ATXN7L1: variants seen among roughly 807,000 people sequenced by gnomAD.
ATXN7L1 encodes the protein ataxin-7-like protein 1.
ATXN7L1 carries 15 observed loss-of-function variants against 70.8 expected under a neutral mutation model. That is an observed-to-expected ratio of 0.21 (90% CI 0.14 to 0.33). The LOEUF is 0.33. Ranked by LOEUF, ATXN7L1 falls within the 10% of genes least tolerant of loss-of-function variation. The pLI, the probability that ATXN7L1 is intolerant of heterozygous loss-of-function variation, is 1.00. For synonymous variants in ATXN7L1, 440 were observed against 445.1 expected (o/e 0.99, Z 0.14); for missense variants, 975 against 1,097.1 (o/e 0.89, Z 1.57).
chr7:105,733,678 C>T (rs200163430), intron 3 of ATXN7L1, among the ~76,000 whole-genome samples: 6 of 4,190 alleles, frequency 1.4e-3, no homozygotes, highest in Non-Finnish European at 2.6e-3. Context: ...ATCCATCCAT[C>T]CACCCATCCA....
chr7:105,804,760 G>T lies in ATXN7L1; in HGVS notation c.251-16052C>A, dbSNP rs532747818. On this transcript the variant is annotated intron_variant, in intron 2 of 11. Transcript: ENST00000419735. ...TGAATCCTCACAGCAGACCTGCAGG[G>T]GTGACATTATCTCCATTTTATAGAT... is the stretch of plus-strand genomic sequence containing the variant. 3.9e-5 allele frequency among the ~76,000 whole-genome samples: 6 copies of T among 152,230 alleles called. No individual in the cohort carries two copies. The South Asian group carries it at 1.2e-3, about 32-fold the overall frequency.
At chr7:105,820,029 G>A in intron 2 of ATXN7L1, 2 of 424,716 alleles carry the variant, frequency 4.7e-6, no homozygotes, top group South Asian at 1.8e-5. Context: ...TATGGAAACC[G>A]GGTGAAAAGA....
chr7:105,636,718 G>C (rs1475062856), intron 7 of ATXN7L1, among the ~76,000 whole-genome samples: 1 of 152,118 alleles, frequency 6.6e-6, no homozygotes, highest in Non-Finnish European at 1.5e-5. Flanking sequence ...ATGGAGATTT[G>C]TATAGTCAAA....
chr7:105,843,032 C>T (rs60969020), intron 2 of ATXN7L1, among the ~76,000 whole-genome samples: 28,111 of 152,076 alleles, frequency 0.18, 3,434 homozygotes, highest in East Asian at 0.44. Flanking sequence ...ATAAAAGATA[C>T]GAAATCTTCA....
chr7:105,726,138 G>A (rs192597613), intron 3 of ATXN7L1, among the ~76,000 whole-genome samples: 1 of 152,278 alleles, frequency 6.6e-6, no homozygotes, highest in East Asian at 1.9e-4. Context: ...CTGACCTCAA[G>A]TGATCCGCCT....
At chr7:105,789,554 G>A (rs1585009932) in intron 2 of ATXN7L1, among the ~76,000 whole-genome samples, 1 of 152,150 alleles carries the variant, frequency 6.6e-6, no homozygotes, top group Non-Finnish European at 1.5e-5. Context: ...ATGAGTAGAG[G>A]TTAAGGAAGC....
chr7:105,752,376 C>T (rs1799319114), intron 3 of ATXN7L1, among the ~76,000 whole-genome samples: 2 of 152,196 alleles, frequency 1.3e-5, no homozygotes, highest in Admixed American at 1.3e-4. Flanking sequence ...GTATGTGTTG[C>T]AAAGTGCTGC....
At chr7:105,856,795 G>C (rs1198209559) in intron 2 of ATXN7L1, among the ~76,000 whole-genome samples, 2 of 151,720 alleles carry the variant, frequency 1.3e-5, no homozygotes, top group African/African-American at 4.9e-5. Flanking sequence ...CCCAAAAAGT[G>C]TGTGTGTATG....
At chr7:105,623,596 C>CACA (rs576888120) in intron 8 of ATXN7L1, among the ~76,000 whole-genome samples, 3 of 152,312 alleles carry the variant, frequency 2.0e-5, no homozygotes, top group South Asian at 4.1e-4. Context: ...CATATGGTCA[C>CACA]ACAACAGTAA....
At chr7:105,823,305 G>C (rs988391490) in intron 2 of ATXN7L1, among the ~76,000 whole-genome samples, 3 of 152,152 alleles carry the variant, frequency 2.0e-5, no homozygotes, top group Non-Finnish European at 4.4e-5. Flanking sequence ...ATGGCTCCCA[G>C]CTCATACAGC....
chr7:105,874,119 G>A (rs921477627), intron 2 of ATXN7L1, among the ~76,000 whole-genome samples: 2 of 111,406 alleles, frequency 1.8e-5, no homozygotes, highest in South Asian at 3.8e-4. Context: ...GTGAGAATCC[G>A]TATCAAAAAA....
intron 2 of ATXN7L1, among the ~76,000 whole-genome samples, chr7:105,866,618 T>A (rs749681754): frequency 1.1e-4 from 17 of 152,184 alleles, no homozygotes; most frequent in Non-Finnish European, 2.1e-4. Context: ...TTTGGCAGTC[T>A]GAGCTCTACC....
chr7:105,842,303 G>A (rs1346945989), intron 2 of ATXN7L1, among the ~76,000 whole-genome samples: 6 of 151,778 alleles, frequency 4.0e-5, no homozygotes, highest in Non-Finnish European at 2.9e-5. Flanking sequence ...TCAATGGTGT[G>A]TAGCTACTAC....
chr7:105,650,414 C>T (rs1049219185), intron 4 of ATXN7L1, among the ~76,000 whole-genome samples: 2 of 152,212 alleles, frequency 1.3e-5, no homozygotes, highest in African/African-American at 2.4e-5. Context: ...ATAAATCTAA[C>T]ATTATTCTGT....
chr7:105,825,015 T>C lies in ATXN7L1; in HGVS notation c.251-36307A>G, dbSNP rs12673105. 0.011 allele frequency among the ~76,000 whole-genome samples: 1,726 copies of C among 151,990 alleles called. 72 individuals carry two copies. The East Asian group carries it at 0.13, about 12-fold the overall frequency. ...ATCAACAGTGTTACAGAGAAGATCCTAAAAGCTTTCAGAGAACGAAAGTGG... is the reference window on the plus strand; with the variant it reads ...ATCAACAGTGTTACAGAGAAGATCCCAAAAGCTTTCAGAGAACGAAAGTGG... On this transcript the variant is annotated intron_variant, in intron 2 of 11. Coordinates refer to ENST00000419735, the MANE Select transcript of ATXN7L1 (RefSeq NM_020725.2).
intron 2 of ATXN7L1, among the ~76,000 whole-genome samples, chr7:105,863,456 G>C (rs1816934332): frequency 6.6e-6 from 1 of 152,228 alleles, no homozygotes; most frequent in Non-Finnish European, 1.5e-5. Context: ...GAGGATGAGT[G>C]AAGTCAGGTG....
At chr7:105,654,556 A>G (rs1002346287) in intron 4 of ATXN7L1, among the ~76,000 whole-genome samples, 1 of 152,222 alleles carries the variant, frequency 6.6e-6, no homozygotes, top group Non-Finnish European at 1.5e-5. Flanking sequence ...CTGCTGTCCC[A>G]CTGTGTATGT....
At chr7:105,858,671 C>A (rs938303866) in intron 2 of ATXN7L1, among the ~76,000 whole-genome samples, 4 of 152,100 alleles carry the variant, frequency 2.6e-5, no homozygotes, top group African/African-American at 9.7e-5. Flanking sequence ...TCTTGTAACC[C>A]CTGGATGGGA....
intron 2 of ATXN7L1, among the ~76,000 whole-genome samples, chr7:105,855,428 T>C (rs2116642345): frequency 6.6e-6 from 1 of 152,352 alleles, no homozygotes; most frequent in Non-Finnish European, 1.5e-5. Context: ...CCATCTAATG[T>C]ATCTGTATGG....
Sources: gnomAD v4.1 joint callset for allele counts (sites outside exome capture counted in the v4.1 genomes callset) on GRCh38, gnomAD v4.1.1 for gene constraint, MANE v1.5 for transcripts, NCBI Gene and HGNC (gene_info 2026-07-23, HGNC 2026-07-21) for gene names.